Variants in NRXN3 observed in about 807,000 individuals in gnomAD.
The protein encoded by NRXN3 is neurexin 3.
NRXN3 carries 32 observed loss-of-function variants against 137.6 expected under a neutral mutation model. That is an observed-to-expected ratio of 0.23 (90% CI 0.18 to 0.31). NRXN3 has a LOEUF of 0.31. NRXN3 is among the 10% of genes least tolerant of loss of function. The pLI is 1.00. For missense variants in NRXN3, 1,574 were observed against 2,062.5 expected (o/e 0.76, Z 4.59); for synonymous variants, 798 against 784.5 (o/e 1.02, Z -0.29).
At chr14:79,414,802 T>C (rs1291071232) in intron 15 of NRXN3, among the ~76,000 whole-genome samples, 1 of 152,058 alleles carries the variant, frequency 6.6e-6, no homozygotes, top group East Asian at 1.9e-4. Flanking sequence ...CTATATTAGG[T>C]CTCCAGAATG....
At position 79,810,725 on chromosome 14, in the gene NRXN3, C is replaced by T. The variant is rs561632754; in HGVS notation, c.4093+5535C>T. Reference sequence around the variant, plus strand: ...TAATCTTTATCAGTCTGAGATGCCTCGGGAAAGTATCATCTGAAAATCTGG... The same window carrying T: ...TAATCTTTATCAGTCTGAGATGCCTTGGGAAAGTATCATCTGAAAATCTGG... On this transcript the variant is annotated intron_variant, in intron 20 of 20. Transcript: ENST00000335750. Among the ~76,000 whole-genome samples the T allele has an allele frequency of 5.3e-4, 81 of 152,184 alleles. 1 individual carries two copies. In the South Asian group the frequency reaches 0.014, roughly 27 times the overall value.
intron 4 of NRXN3, among the ~76,000 whole-genome samples, chr14:78,332,816 C>CA (rs1483575728): frequency 8.0e-6 from 1 of 124,244 alleles, no homozygotes; most frequent in African/African-American, 2.8e-5. Flanking sequence ...GTATGGGAGA[C>CA]AGTTTTGTCT....
At chr14:79,280,839 C>A in intron 15 of NRXN3, 1 of 331,922 alleles carries the variant, frequency 3.0e-6, no homozygotes. Flanking sequence ...CTCTCTCCAC[C>A]CCCACGGAGA....
At chr14:78,554,153 G>A (rs900906918) in intron 4 of NRXN3, among the ~76,000 whole-genome samples, 10 of 152,148 alleles carry the variant, frequency 6.6e-5, no homozygotes, top group African/African-American at 2.4e-4. Context: ...TGCTAATTTT[G>A]TTGGCACTTT....
At chr14:78,830,818 C>T (rs1471805583) in intron 10 of NRXN3, among the ~76,000 whole-genome samples, 2 of 151,982 alleles carry the variant, frequency 1.3e-5, no homozygotes, top group African/African-American at 2.4e-5. Flanking sequence ...ACATCTTCTG[C>T]CATATCCACA....
At chr14:78,314,995 T>TCCTTCCTTCCTTCCTTCCTTCCTTTC (rs1567236199) in intron 4 of NRXN3, among the ~76,000 whole-genome samples, 1 of 20,006 alleles carries the variant, frequency 5.0e-5, no homozygotes, top group East Asian at 1.3e-3. Context: ...TCCTTTCTCT[T>TCCTTCCTTCCTTCCTTCCTTCCTTTC]TCTTTCTTTC....
At chr14:79,792,775 A>T (rs1568269844) in intron 19 of NRXN3, among the ~76,000 whole-genome samples, 2 of 152,190 alleles carry the variant, frequency 1.3e-5, no homozygotes, top group Admixed American at 6.5e-5. Context: ...CCTTTGAGGG[A>T]AGTTAGCCTT....
intron 10 of NRXN3, among the ~76,000 whole-genome samples, chr14:78,829,350 C>G (rs1424853962): frequency 6.6e-6 from 1 of 152,130 alleles, no homozygotes; most frequent in Non-Finnish European, 1.5e-5. Flanking sequence ...GCCAGTGTTT[C>G]AGTTGAGGGA....
At chr14:78,734,206 AACACACACACACACACACACAC>A (rs10563958) in intron 8 of NRXN3, among the ~76,000 whole-genome samples, 6 of 137,702 alleles carry the variant, frequency 4.4e-5, no homozygotes, top group African/African-American at 1.1e-4. Context: ...CTGCATCTGA[AACACACACACACACACACACAC>A]ACACACACAC....
chr14:78,615,135 T>C, intron 4 of NRXN3: 1 of 456,210 alleles, frequency 2.2e-6, no homozygotes, highest in Non-Finnish European at 4.4e-6. Flanking sequence ...AATGGTCATA[T>C]TACCATGATA....
chr14:79,679,311 T>C (rs539238786), intron 17 of NRXN3, among the ~76,000 whole-genome samples: 1 of 152,272 alleles, frequency 6.6e-6, no homozygotes, highest in South Asian at 2.1e-4. Flanking sequence ...TAATATTCAA[T>C]GAATATCTTT....
chr14:79,055,446 C>T (rs550176270), intron 15 of NRXN3, among the ~76,000 whole-genome samples: 89 of 152,184 alleles, frequency 5.8e-4, no homozygotes, highest in Middle Eastern at 3.4e-3. Context: ...GATGTAATTG[C>T]CTCATTGTGA....
chr14:78,749,228 G>T (rs1467255036), intron 8 of NRXN3, among the ~76,000 whole-genome samples: 1 of 152,118 alleles, frequency 6.6e-6, no homozygotes, highest in African/African-American at 2.4e-5. Flanking sequence ...GTAAAGAGAT[G>T]GTTCTAGAAA....
At chr14:78,208,169 T>A (rs1374143582) in intron 1 of NRXN3, among the ~76,000 whole-genome samples, 1 of 152,206 alleles carries the variant, frequency 6.6e-6, no homozygotes, top group Non-Finnish European at 1.5e-5. Context: ...GTGATATGCT[T>A]AAAAAAGTGC....
intron 15 of NRXN3, among the ~76,000 whole-genome samples, chr14:79,016,367 CA>C (rs1222378022): frequency 3.3e-5 from 5 of 151,888 alleles, no homozygotes; most frequent in South Asian, 2.1e-4. Flanking sequence ...TCTCCAGGCT[CA>C]AAAAAAGCAT....
At chr14:78,823,539 G>A (rs2098957248) in intron 10 of NRXN3, among the ~76,000 whole-genome samples, 1 of 152,142 alleles carries the variant, frequency 6.6e-6, no homozygotes, top group African/African-American at 2.4e-5. Context: ...TCTTATCACA[G>A]TTATATGCTG....
intron 4 of NRXN3, among the ~76,000 whole-genome samples, chr14:78,333,644 A>G (rs1015021322): frequency 6.6e-6 from 1 of 152,108 alleles, no homozygotes; most frequent in African/African-American, 2.4e-5. Context: ...CACTGAGGAT[A>G]TGATATTTGG....
At chr14:79,262,642 A>G (rs1428126656) in intron 15 of NRXN3, among the ~76,000 whole-genome samples, 1 of 152,232 alleles carries the variant, frequency 6.6e-6, no homozygotes, top group Non-Finnish European at 1.5e-5. Context: ...TGCTTCTATT[A>G]AAATGTTGAA....
chr14:78,480,862 G>C (rs780269737), intron 4 of NRXN3, among the ~76,000 whole-genome samples: 2 of 152,106 alleles, frequency 1.3e-5, no homozygotes, highest in Non-Finnish European at 2.9e-5. Context: ...TTATTTCCCT[G>C]TCTTGGCCAG....
Sources: allele counts gnomAD v4.1 joint callset (sites outside exome capture counted in the v4.1 genomes callset), GRCh38; gene constraint gnomAD v4.1.1; transcripts MANE v1.5; gene names NCBI Gene and HGNC (gene_info 2026-07-23, HGNC 2026-07-21).